Variants in MED27 observed in about 807,000 individuals in gnomAD.
MED27 encodes mediator complex subunit 27.
In MED27, 30 loss-of-function variants were observed where a neutral mutation model predicts 38.2. The observed-to-expected ratio is 0.79, with a 90% CI of 0.59 to 1.07. MED27 has a LOEUF of 1.07. Ranked by LOEUF, MED27 falls within the 50% of genes least tolerant of loss-of-function variation. The probability of loss-of-function intolerance (pLI) is 0.00; values close to 1 mark genes in which losing one functional copy is unlikely to be tolerated. For synonymous variants in MED27, 122 were observed against 153.5 expected, an observed-to-expected ratio of 0.79 and a Z score of 1.52; for missense variants, 289 against 397.5, an observed-to-expected ratio of 0.73 and a Z score of 2.32.
intron 3 of MED27, among the ~76,000 whole-genome samples, chr9:131,941,817 ATTTTTTTTTT>A (rs766438800): frequency 7.3e-5 from 6 of 82,514 alleles, no homozygotes; most frequent in African/African-American, 1.0e-4. Flanking sequence ...ATTCTGCTGA[ATTTTTTTTTT>A]TTTTTTTTTT....
At chr9:132,021,327 C>T (rs915237137) in intron 2 of MED27, among the ~76,000 whole-genome samples, 2 of 152,066 alleles carry the variant, frequency 1.3e-5, no homozygotes, top group African/African-American at 4.8e-5. Flanking sequence ...GGTGCCAGTC[C>T]AATAGAAGGA....
intron 4 of MED27, among the ~76,000 whole-genome samples, chr9:131,931,494 CAAT>C (rs1450526941): frequency 5.3e-5 from 8 of 152,024 alleles, no homozygotes; most frequent in Admixed American, 4.6e-4. Context: ...TACTTATCAA[CAAT>C]AACACTGAGT....
chr9:131,875,964 G>A (rs982803838), intron 6 of MED27, among the ~76,000 whole-genome samples: 2 of 152,228 alleles, frequency 1.3e-5, no homozygotes, highest in African/African-American at 4.8e-5. Context: ...ACAGGAAACA[G>A]TAGGGGAGCC....
At position 131,873,399 on chromosome 9, in the gene MED27, A is replaced by C. The variant is rs950654867; in HGVS notation, c.724-10259T>G. 5.9e-5 allele frequency among the ~76,000 whole-genome samples: 9 copies of C among 152,164 alleles called. 1 individual carries two copies. In the South Asian group the frequency reaches 1.9e-3, roughly 32 times the overall value. ...ACAGTGATGTTAGGGGGCGATGGGG[A>C]GTGCGCAGAGACGAGCTTCTCAAAT... On this transcript the variant is annotated intron_variant, in intron 6 of 7. Coordinates refer to ENST00000292035, the MANE Select transcript of MED27 (RefSeq NM_004269.4).
intron 3 of MED27, among the ~76,000 whole-genome samples, chr9:131,971,288 A>G (rs1350808619): frequency 6.6e-6 from 1 of 152,270 alleles, no homozygotes; most frequent in African/African-American, 2.4e-5. Flanking sequence ...CAGAAGGAAC[A>G]GAAAGTGCTG....
At chr9:131,950,404 G>C (rs756607710) in intron 3 of MED27, among the ~76,000 whole-genome samples, 1 of 152,198 alleles carries the variant, frequency 6.6e-6, no homozygotes, top group Non-Finnish European at 1.5e-5. Context: ...TTTCCCTCCC[G>C]TGCCCAGGAA....
intron 2 of MED27, among the ~76,000 whole-genome samples, chr9:132,041,487 C>G (rs1833209159): frequency 1.3e-5 from 2 of 152,168 alleles, no homozygotes; most frequent in African/African-American, 4.8e-5. Flanking sequence ...TGCAGTTCTG[C>G]CAGACAGTAA....
chr9:131,988,688 C>T (rs1831908926), intron 3 of MED27, among the ~76,000 whole-genome samples: 1 of 152,098 alleles, frequency 6.6e-6, no homozygotes, highest in African/African-American at 2.4e-5. Flanking sequence ...TCTTACATTG[C>T]CCAGGCTGGT....
Position 132,073,026 on chromosome 9 carries a change from C to T in MED27, c.348+4416G>A, listed in dbSNP as rs187715876. Among the ~76,000 whole-genome samples, 231 of 152,218 alleles carry T rather than the reference C, an allele frequency of 1.5e-3. 1 individual carries two copies. Among genetic ancestry groups the T allele is most frequent in the African/African-American group, 5.4e-3 (225 of 41,492 alleles). On this transcript the variant is annotated intron_variant, in intron 2 of 7. Coordinates refer to ENST00000292035, the MANE Select transcript of MED27 (RefSeq NM_004269.4). Reference sequence around the variant, plus strand: ...GAACACCTGACATCAGGTGCAGCAGCTCAAATTAGCCTGACTCAGGCAACT... The same window carrying T: ...GAACACCTGACATCAGGTGCAGCAGTTCAAATTAGCCTGACTCAGGCAACT...
At chr9:132,016,389 C>T (rs1832603255) in intron 2 of MED27, among the ~76,000 whole-genome samples, 1 of 152,154 alleles carries the variant, frequency 6.6e-6, no homozygotes, top group African/African-American at 2.4e-5. Context: ...ACATACATCA[C>T]ATTCATAATA....
At chr9:131,968,766 G>A (rs1395042909) in intron 3 of MED27, among the ~76,000 whole-genome samples, 1 of 152,190 alleles carries the variant, frequency 6.6e-6, no homozygotes, top group Non-Finnish European at 1.5e-5. Flanking sequence ...GAGCCTGTTA[G>A]GAACTGGGCC....
intron 3 of MED27, among the ~76,000 whole-genome samples, chr9:131,956,771 A>G (rs1319953311): frequency 6.6e-6 from 1 of 152,010 alleles, no homozygotes; most frequent in Non-Finnish European, 1.5e-5. Context: ...TCATTTGATC[A>G]CCTCAATAAA....
chr9:131,921,621 T>A (rs1830393452), intron 4 of MED27, among the ~76,000 whole-genome samples: 1 of 152,184 alleles, frequency 6.6e-6, no homozygotes, highest in Non-Finnish European at 1.5e-5. Flanking sequence ...GTGTGGCAAT[T>A]CCTCAAGGAT....
At chr9:131,863,828 C>T (rs1451486538) in intron 6 of MED27, among the ~76,000 whole-genome samples, 1 of 152,132 alleles carries the variant, frequency 6.6e-6, no homozygotes, top group Non-Finnish European at 1.5e-5. Flanking sequence ...GGGGTCTGTG[C>T]CTATTGTCTC....
intron 2 of MED27, among the ~76,000 whole-genome samples, chr9:132,064,996 G>A (rs538634408): frequency 2.0e-5 from 3 of 152,140 alleles, no homozygotes; most frequent in East Asian, 1.9e-4. Context: ...TACTGGCTTC[G>A]TTCACTGTGT....
chr9:131,959,550 C>A (rs1030421772), intron 3 of MED27, among the ~76,000 whole-genome samples: 2 of 152,198 alleles, frequency 1.3e-5, no homozygotes, highest in African/African-American at 2.4e-5. Flanking sequence ...AATCACCCAG[C>A]CCTCTGGCTT....
chr9:131,897,195 C>G (rs1257290789), intron 4 of MED27, among the ~76,000 whole-genome samples: 1 of 152,230 alleles, frequency 6.6e-6, no homozygotes, highest in African/African-American at 2.4e-5. Context: ...CGGGTTACTT[C>G]CAAGTTTCCC....
chr9:132,021,005 T>C (rs1462298918), intron 2 of MED27, among the ~76,000 whole-genome samples: 1 of 152,186 alleles, frequency 6.6e-6, no homozygotes, highest in African/African-American at 2.4e-5. Context: ...CTCCTTCAAT[T>C]ACTAGGAAAG....
chr9:131,926,741 G>A (rs1055530840), intron 4 of MED27, among the ~76,000 whole-genome samples: 1 of 152,184 alleles, frequency 6.6e-6, no homozygotes, highest in Non-Finnish European at 1.5e-5. Flanking sequence ...TAGTCTAAAT[G>A]GTTGAAAACA....
Sources: allele counts gnomAD v4.1 joint callset (sites outside exome capture counted in the v4.1 genomes callset), GRCh38; gene constraint gnomAD v4.1.1; transcripts MANE v1.5; gene names NCBI Gene and HGNC (gene_info 2026-07-23, HGNC 2026-07-21).